SPNS2: variants seen among roughly 807,000 people sequenced by gnomAD.
The protein encoded by SPNS2 is sphingosine-1-phosphate transporter SPNS2.
In SPNS2, 37 loss-of-function variants were observed where a neutral mutation model predicts 57.6. That is an observed-to-expected ratio of 0.64 (90% CI 0.49 to 0.85). The LOEUF is 0.85. Among genes scored for constraint, SPNS2 ranks in the 40% least tolerant of loss-of-function variants. The pLI is 0.00. For missense variants in SPNS2, 831 were observed against 779.1 expected (o/e 1.07, Z -0.79); for synonymous variants, 440 against 346.9 (o/e 1.27, Z -2.98).
intron 1 of SPNS2, among the ~76,000 whole-genome samples, chr17:4,506,999 G>A (rs1904697143): frequency 6.6e-6 from 1 of 152,176 alleles, no homozygotes; most frequent in Admixed American, 6.5e-5. Context: ...GGGAAGCCTG[G>A]GGGTGAGTAG....
At chr17:4,521,491 G>A (rs1282246870) in intron 2 of SPNS2, among the ~76,000 whole-genome samples, 2 of 152,234 alleles carry the variant, frequency 1.3e-5, no homozygotes, top group African/African-American at 2.4e-5. Context: ...CCTTGCACGT[G>A]CTATCCAGCA....
At position 4,512,552 on chromosome 17, in the gene SPNS2, G is replaced by A. The variant is rs1007016533; in HGVS notation, c.371-695G>A. ...CCCAAGAAAACGGGCCTGGAGCCCCGCCTGCTTCCCTCTGTACCCTGGGCC... is the reference window on the plus strand; with the variant it reads ...CCCAAGAAAACGGGCCTGGAGCCCCACCTGCTTCCCTCTGTACCCTGGGCC... On this transcript the variant is annotated intron_variant, in intron 1 of 12. Transcript: ENST00000329078. This position sits in a 1 kb window ranked among gnomAD's most constrained non-coding sequence, Gnocchi z 5.2. Among the ~76,000 whole-genome samples, 3 of 152,056 alleles carry A rather than the reference G, an allele frequency of 2.0e-5. No individual in the cohort carries two copies. The highest frequency in any genetic ancestry group is 2.9e-5 in the Non-Finnish European group (2 of 68,020).
Position 4,499,765 on chromosome 17 carries a change from G to A in SPNS2, c.370+348G>A, listed in dbSNP as rs996941041. ...GTCTCCTTGTCTCTGCGCCCCCTCC[G>A]ACCCCAGCTGCCGGTTCCCGGGCCT... On this transcript the variant is annotated intron_variant, in intron 1 of 12. Coordinates refer to ENST00000329078, the MANE Select transcript of SPNS2 (RefSeq NM_001124758.3). This position sits in a 1 kb window ranked among gnomAD's most constrained non-coding sequence, Gnocchi z 5.2. 3 of 195,814 alleles carry A rather than the reference G, an allele frequency of 1.5e-5. No homozygotes were observed. Among genetic ancestry groups the A allele is most frequent in the Admixed American group, 6.1e-5 (1 of 16,390 alleles). 12.1% of individuals were successfully genotyped at this position (195,814 alleles called of 1,614,324 possible).
Position 4,533,067 on chromosome 17 carries a change from C to T in SPNS2, c.1026C>T (p.Arg342=), listed in dbSNP as rs182141708. 5,354 of 1,613,314 alleles carry T rather than the reference C, an allele frequency of 3.3e-3. 13 individuals carry two copies. The highest frequency in any genetic ancestry group is 4.2e-3 in the Non-Finnish European group (4,906 of 1,179,938). Residue 342 remains arginine (R), a synonymous_variant, in exon 7 of 13, where the codon CGC becomes CGT. Transcript: ENST00000329078. ...TGTGGATCCCGCTCTACCTGCACCG[C>T]GCCCAAGTTGTGCAGAAGACAGCAG... is the stretch of plus-strand genomic sequence containing the variant. ...LGMWIPLYLH[R]AQVVQKTAET... is the part of the protein sequence containing the mutation.
Position 4,499,349 on chromosome 17 carries a change from G to C in SPNS2, c.302G>C (p.Arg101Pro), listed in dbSNP as rs1363737581. ...AAACCGGCCAGCTTGGGCCGCGGGC[G>C]GGGGGCAGCCGCCGCCATCCTCAGC... ...QPKPASLGRG[R>P]GAAAAILSLG... The change falls in exon 1 of 13, where the codon CGG becomes CCG. Residue 101 changes from arginine (R) to proline (P), a missense_variant. Transcript: ENST00000329078. This position sits in a 1 kb window ranked among gnomAD's most constrained non-coding sequence, Gnocchi z 5.2. 3.4e-6 allele frequency: 5 copies of C among 1,450,694 alleles called. No individual in the cohort carries two copies. The highest frequency in any genetic ancestry group is 3.6e-6 in the Non-Finnish European group (4 of 1,107,816). 89.9% of individuals were successfully genotyped at this position (1,450,694 alleles called of 1,614,324 possible).
Position 4,535,362 on chromosome 17 carries a change from G to T in SPNS2, c.1345-714G>T, listed in dbSNP as rs118097965. 2.9e-3 allele frequency among the ~76,000 whole-genome samples: 442 copies of T among 152,300 alleles called. 6 individuals carry two copies. In the East Asian group the frequency reaches 0.034, roughly 12 times the overall value. On this transcript the variant is annotated intron_variant, in intron 9 of 12. Coordinates refer to ENST00000329078, the MANE Select transcript of SPNS2 (RefSeq NM_001124758.3). The stretch of plus-strand genomic sequence containing the variant: ...CACCAGCTCCTGTCCCAGGCCAGTC[G>T]AGGCCTGGCTTGGTCCTCAGGGAGG...
At chr17:4,529,914 G>A (rs944826121) in intron 3 of SPNS2, among the ~76,000 whole-genome samples, 26 of 152,308 alleles carry the variant, frequency 1.7e-4, no homozygotes, top group African/African-American at 5.3e-4. Flanking sequence ...AGGGAGACCC[G>A]GGGGAGGGCT....
chr17:4,536,201 CAGGGCAGGCT>C (rs775582899), intron 10 of SPNS2, 27 bp downstream of exon 10: 3 of 1,607,820 alleles, frequency 1.9e-6, no homozygotes, highest in Middle Eastern at 1.7e-4. Flanking sequence ...TGGGGCTGGC[CAGGGCAGGCT>C]GGGGGACTGC....
chr17:4,515,187 A>G (rs1347788453), intron 2 of SPNS2, among the ~76,000 whole-genome samples: 3 of 152,118 alleles, frequency 2.0e-5, no homozygotes. Flanking sequence ...ATGAAAGAGA[A>G]GTCACTCCGT....
chr17:4,499,486 G>A lies in SPNS2; in HGVS notation c.370+69G>A. On this transcript the variant is annotated intron_variant, in intron 1 of 12. Coordinates refer to ENST00000329078, the MANE Select transcript of SPNS2 (RefSeq NM_001124758.3). This position sits in a 1 kb window ranked among gnomAD's most constrained non-coding sequence, Gnocchi z 5.2. ...CATCCCACCACCCGCCTCGAGGGAG[G>A]TACCCCAGAGAGCTTTTGGTCTCAG... The A allele has an allele frequency of 9.3e-7, 1 of 1,070,064 alleles. No individual in the cohort carries two copies. The highest frequency in any genetic ancestry group is 1.2e-6 in the Non-Finnish European group (1 of 813,000). 66.3% of individuals were successfully genotyped at this position (1,070,064 alleles called of 1,614,324 possible). A position where few individuals can be genotyped will look rare whatever the true frequency, so the allele number is the denominator to read the frequency against.
rs1489844457 is a variant in SPNS2, at chr17:4,536,059, G to A, written c.1345-17G>A. On this transcript the variant is annotated splice_polypyrimidine_tract_variant and intron_variant, in intron 9 of 12. Coordinates refer to ENST00000329078, the MANE Select transcript of SPNS2 (RefSeq NM_001124758.3). ...GCCTTTCTCCTCTGGCCGCTGACCT[G>A]CCCGCCTGTTCCGCAGTACGTGGTC... 6 of 1,605,540 alleles carry A rather than the reference G, an allele frequency of 3.7e-6. No individual in the cohort carries two copies. The highest frequency in any genetic ancestry group is 5.1e-6 in the Non-Finnish European group (6 of 1,177,318).
chr17:4,529,891 A>C (rs372879456), intron 3 of SPNS2, among the ~76,000 whole-genome samples: 4 of 152,104 alleles, frequency 2.6e-5, no homozygotes, highest in African/African-American at 9.7e-5. Flanking sequence ...AGGTGAGCAG[A>C]TGGAGGGAAG....
Position 4,511,369 on chromosome 17 carries a change from G to C in SPNS2, c.371-1878G>C, listed in dbSNP as rs1488551675. ...AAGAGGAAGTGTGCAGAGTCAGGGG[G>C]CCATGAGTAGTTTGGGGTGGCTAGT... is the stretch of plus-strand genomic sequence containing the variant. On this transcript the variant is annotated intron_variant, in intron 1 of 12. Coordinates refer to ENST00000329078, the MANE Select transcript of SPNS2 (RefSeq NM_001124758.3). This position sits in a 1 kb window ranked among gnomAD's most constrained non-coding sequence, Gnocchi z 4.6. Among the ~76,000 whole-genome samples the C allele has an allele frequency of 1.3e-5, 2 of 152,242 alleles. No individual in the cohort carries two copies. The highest frequency in any genetic ancestry group is 3.8e-4 in the East Asian group (2 of 5,204).
In SPNS2 at chr17:4,525,151, C is replaced by G. The variant is rs1023890716; in HGVS notation, c.531C>G (p.Phe177Leu). The G allele has an allele frequency of 1.2e-6, 2 of 1,614,092 alleles. No individual in the cohort carries two copies. The highest frequency in any genetic ancestry group is 1.3e-5 in the African/African-American group (1 of 74,948). ...RKVILSCGIF[F>L]WSAVTFSSSF... ...TGATTCTCAGCTGCGGCATTTTCTT[C>G]TGGTCGGCCGTCACCTTCTCCAGCT... is the stretch of plus-strand genomic sequence containing the variant. Residue 177 changes from phenylalanine (F) to leucine (L), a missense_variant, in exon 3 of 13, where the codon TTC becomes TTG. By Grantham distance (22) the Phe-to-Leu change is conservative. Around this residue, in one of 2 missense-constraint regions of SPNS2, gnomAD observed 305 missense variants for 378.3 expected, o/e 0.81. Coordinates refer to ENST00000329078, the MANE Select transcript of SPNS2 (RefSeq NM_001124758.3).
rs377354502 is a variant in SPNS2 at position 4,532,561 on chromosome 17, T to A, written c.812T>A (p.Met271Lys). 3.7e-6 allele frequency: 6 copies of A among 1,614,124 alleles called. No homozygotes were observed. The highest frequency in any genetic ancestry group is 5.1e-6 in the Non-Finnish European group (6 of 1,180,032). The change falls in exon 6 of 13, where the codon ATG becomes AAG. Residue 271 changes from methionine to lysine, a missense_variant. Physicochemically the swap from Met to Lys is moderately conservative, Grantham distance 95. Coordinates refer to ENST00000329078, the MANE Select transcript of SPNS2 (RefSeq NM_001124758.3). The stretch of plus-strand genomic sequence containing the variant: ...TGGCAGGTGTCCCCTGTCCTGGGCA[T>A]GATCACAGGAACACTCATCCTCATT... ...WALRVSPVLG[M>K]ITGTLILILV...
intron 2 of SPNS2, among the ~76,000 whole-genome samples, chr17:4,517,198 C>T (rs758733584): frequency 6.6e-6 from 1 of 152,190 alleles, no homozygotes; most frequent in Non-Finnish European, 1.5e-5. Flanking sequence ...CCAGCCCCTG[C>T]TCCGTACAGG....
chr17:4,528,057 T>C (rs1905308157), intron 3 of SPNS2, among the ~76,000 whole-genome samples: 1 of 152,114 alleles, frequency 6.6e-6, no homozygotes, highest in Non-Finnish European at 1.5e-5. Context: ...AGTTTCGCTC[T>C]TGCTGCCCAG....
chr17:4,538,473 G>T lies in SPNS2; in HGVS notation c.*1025G>T, dbSNP rs536768011. 2 of 23,228 alleles carry T rather than the reference G, an allele frequency of 8.6e-5. No homozygotes were observed. Among genetic ancestry groups the T allele is most frequent in the African/African-American group, 3.7e-4 (1 of 2,730 alleles). 1.4% of individuals were successfully genotyped at this position (23,228 alleles called of 1,614,324 possible). On this transcript the variant is annotated 3_prime_UTR_variant, in exon 13 of 13. Transcript: ENST00000329078. ...TGGCATTCCACCAAGTGACCCCAGGGGGGGGCCAGGCCTTCGATCACCCAC... is the reference window on the plus strand; with the variant it reads ...TGGCATTCCACCAAGTGACCCCAGGTGGGGGCCAGGCCTTCGATCACCCAC...
chr17:4,514,483 C>G (rs766868307), intron 2 of SPNS2, among the ~76,000 whole-genome samples: 18 of 152,376 alleles, frequency 1.2e-4, no homozygotes, highest in Non-Finnish European at 4.4e-5. Context: ...ACTCCCCCCA[C>G]CTCCCTTCCT....
Sources: allele counts gnomAD v4.1 joint callset (sites outside exome capture counted in the v4.1 genomes callset), GRCh38; gene constraint gnomAD v4.1.1; regional missense constraint gnomAD v4.1.1; non-coding constraint Gnocchi (gnomAD v3.1); transcripts MANE v1.5; gene names NCBI Gene and HGNC (gene_info 2026-07-23, HGNC 2026-07-21).